UTRN: variants seen among roughly 807,000 people sequenced by gnomAD.
UTRN encodes dystrophin-related protein 1.
UTRN carries 283 observed loss-of-function variants against 463.9 expected under a neutral mutation model. That is an observed-to-expected ratio of 0.61 (90% CI 0.55 to 0.67). The LOEUF is 0.67. UTRN is among the 30% of genes least tolerant of loss of function. The pLI is 0.00. For synonymous variants in UTRN, 1,442 were observed against 1,431.5 expected, an observed-to-expected ratio of 1.01 and a Z score of -0.17; for missense variants, 3,922 against 4,084.3, an observed-to-expected ratio of 0.96 and a Z score of 1.08.
intron 53 of UTRN, among the ~76,000 whole-genome samples, chr6:144,701,423 T>C (rs2128698477): frequency 6.6e-6 from 1 of 152,332 alleles, no homozygotes; most frequent in South Asian, 2.1e-4. Context: ...ATTTTTATAC[T>C]GCTCAAATTT....
chr6:144,338,031 A>G (rs1776870309), intron 2 of UTRN, among the ~76,000 whole-genome samples: 1 of 152,254 alleles, frequency 6.6e-6, no homozygotes, highest in Non-Finnish European at 1.5e-5. Context: ...AAACAAAGGC[A>G]TGATTTCAGA....
Position 144,522,036 on chromosome 6 carries a change from A to G in UTRN, c.5598A>G (p.Ser1866=), listed in dbSNP as rs778105387. Residue 1866 remains serine, a synonymous_variant, in exon 40 of 75, where the codon TCA becomes TCG. Transcript: ENST00000367545. The part of the protein sequence containing the change: ...MGQLASGIRS[S]LLPTDYLVEI... ...AACTTGCTTCTGGAATTAGATCATC[A>G]CTTCTTCCTACAGATTATCTGGTTG... The G allele has an allele frequency of 9.4e-6, 15 of 1,589,860 alleles. No homozygotes were observed. The Admixed American group carries it at 1.3e-4, about 13-fold the overall frequency.
intron 53 of UTRN, 102 bp downstream of exon 53, chr6:144,700,345 A>T: frequency 1.5e-6 from 2 of 1,293,824 alleles, no homozygotes; most frequent in Non-Finnish European, 2.0e-6. Flanking sequence ...CAATTATCAC[A>T]GGATTCCCCC....
At chr6:144,794,632 C>T (rs1055804896) in intron 63 of UTRN, among the ~76,000 whole-genome samples, 3 of 152,204 alleles carry the variant, frequency 2.0e-5, no homozygotes, top group African/African-American at 7.2e-5. Context: ...ACAAGGACTA[C>T]GGCTATCATT....
intron 25 of UTRN, among the ~76,000 whole-genome samples, chr6:144,478,849 A>G (rs923229190): frequency 1.3e-5 from 2 of 152,154 alleles, no homozygotes; most frequent in African/African-American, 4.8e-5. Context: ...TATGGGGAGG[A>G]GTGCTCTGAA....
At chr6:144,379,850 A>C (rs985161217) in intron 2 of UTRN, among the ~76,000 whole-genome samples, 2 of 152,202 alleles carry the variant, frequency 1.3e-5, no homozygotes, top group African/African-American at 4.8e-5. Context: ...CCACTTAGTA[A>C]AAGTGTGAAG....
intron 62 of UTRN, among the ~76,000 whole-genome samples, chr6:144,791,139 A>G (rs930343693): frequency 6.6e-6 from 1 of 152,004 alleles, no homozygotes. Context: ...GACCTTCACC[A>G]CTCTGATTCC....
chr6:144,422,771 T>A (rs956374049), intron 4 of UTRN, among the ~76,000 whole-genome samples: 1 of 152,242 alleles, frequency 6.6e-6, no homozygotes, highest in Admixed American at 6.5e-5. Flanking sequence ...ATAAAGAGGA[T>A]GCATGTATGG....
chr6:144,687,524 A>G (rs1366602894), intron 52 of UTRN, among the ~76,000 whole-genome samples: 2 of 152,132 alleles, frequency 1.3e-5, no homozygotes, highest in Non-Finnish European at 2.9e-5. Context: ...ATATATATGC[A>G]TATGACAAAT....
chr6:144,511,115 A>G lies in UTRN; in HGVS notation c.4936A>G (p.Thr1646Ala). ...TACCTGGACTGAAGATTGGTGCAAT[A>G]CCTTGATGGTATGTCTCAGGAAAAA... The part of the protein sequence containing the change: ...VRTWTEDWCN[T>A]LMNHQNQLEI... Residue 1646 changes from threonine (T) to alanine (A), a missense_variant, in exon 35 of 75, where the codon ACC (threonine) becomes GCC (alanine). By Grantham distance (58) the Thr-to-Ala change is moderately conservative (BLOSUM62 0). Transcript: ENST00000367545. 7 of 1,559,944 alleles carry G rather than the reference A, an allele frequency of 4.5e-6. No individual in the cohort carries two copies. The highest frequency in any genetic ancestry group is 2.3e-5 in the East Asian group (1 of 43,150).
At chr6:144,805,842 C>T (rs6920139) in intron 65 of UTRN, among the ~76,000 whole-genome samples, 8,541 of 151,592 alleles carry the variant, frequency 0.056, 614 homozygotes, top group African/African-American at 0.17. Flanking sequence ...TGGGTGTAAC[C>T]AGGGAACAGA....
In UTRN at chr6:144,437,685, A is replaced by G. The variant is rs1265532388; in HGVS notation, c.1180A>G (p.Met394Val). 23 of 1,614,082 alleles carry G rather than the reference A, an allele frequency of 1.4e-5. 1 individual carries two copies. Among genetic ancestry groups the G allele is most frequent in the Non-Finnish European group, 1.9e-5 (22 of 1,180,038 alleles). The change falls in exon 11 of 75, where the codon ATG (methionine) becomes GTG (valine). Residue 394 changes from methionine to valine, a missense_variant. Coordinates refer to ENST00000367545, the MANE Select transcript of UTRN (RefSeq NM_007124.3). Reference sequence around the variant, plus strand: ...AGAAGAATTTGAGATTCAGGAACAGATGACCCTGCTGAATGCTAGATGGGA... The same window carrying G: ...AGAAGAATTTGAGATTCAGGAACAGGTGACCCTGCTGAATGCTAGATGGGA... ...DEEEFEIQEQ[M>V]TLLNARWEAL...
rs370026857 is a variant in UTRN at position 144,493,291 on chromosome 6, T to C, written c.4438-10T>C. 6 of 1,613,024 alleles carry C rather than the reference T, an allele frequency of 3.7e-6. No individual in the cohort carries two copies. In the African/African-American group the frequency reaches 8.0e-5, roughly 22 times the overall value. ...TGTGTAATTTGTCTTTTTCTTTGTT[T>C]GTTTTAAAGAAACTGTATAAAACTT... On this transcript the variant is annotated splice_polypyrimidine_tract_variant and intron_variant, in intron 32 of 74. Transcript: ENST00000367545.
chr6:144,341,034 T>C (rs1777100986), intron 2 of UTRN, among the ~76,000 whole-genome samples: 1 of 152,256 alleles, frequency 6.6e-6, no homozygotes, highest in Admixed American at 6.5e-5. Flanking sequence ...TCCTGAGCTA[T>C]CATGATATTT....
intron 28 of UTRN, among the ~76,000 whole-genome samples, chr6:144,486,396 G>A (rs917493738): frequency 2.0e-5 from 3 of 152,150 alleles, no homozygotes; most frequent in Admixed American, 6.5e-5. Context: ...ATAAAGAAAA[G>A]TATAAAGCAA....
At chr6:144,392,413 G>A (rs6910059) in intron 2 of UTRN, among the ~76,000 whole-genome samples, 19,856 of 152,198 alleles carry the variant, frequency 0.13, 4,355 homozygotes, top group African/African-American at 0.45. Context: ...TGTTTAATCA[G>A]TGGTGGGGCA....
At chr6:144,600,032 G>A (rs956125335) in intron 51 of UTRN, among the ~76,000 whole-genome samples, 1 of 151,954 alleles carries the variant, frequency 6.6e-6, no homozygotes, top group Non-Finnish European at 1.5e-5. Flanking sequence ...TGTTACTATT[G>A]TAATTGTTTT....
At chr6:144,799,106 A>G (rs1280933078) in intron 64 of UTRN, among the ~76,000 whole-genome samples, 2 of 152,252 alleles carry the variant, frequency 1.3e-5, no homozygotes, top group Non-Finnish European at 2.9e-5. Flanking sequence ...AGGGAGAGTC[A>G]AATCAGGAGG....
chr6:144,823,309 G>A (rs930223481), intron 66 of UTRN, among the ~76,000 whole-genome samples: 3 of 151,934 alleles, frequency 2.0e-5, no homozygotes, highest in Non-Finnish European at 2.9e-5. Context: ...CCAAGCTCTC[G>A]GGATTTGATA....
Sources: gnomAD v4.1 joint callset for allele counts (sites outside exome capture counted in the v4.1 genomes callset) on GRCh38, gnomAD v4.1.1 for gene constraint, MANE v1.5 for transcripts, NCBI Gene and HGNC (gene_info 2026-07-23, HGNC 2026-07-21) for gene names.